The following AQR variants were observed in gnomAD, a reference collection of about 807,000 sequenced individuals.
The protein encoded by AQR is RNA helicase aquarius.
A neutral mutation model predicts 180.5 loss-of-function variants in AQR; 61 were observed. That is an observed-to-expected ratio of 0.34 (90% CI 0.28 to 0.42). The LOEUF (loss-of-function observed/expected upper bound fraction) is 0.42. AQR is among the 10% of genes least tolerant of loss of function. The pLI is 1.00. For synonymous variants in AQR, 551 were observed against 588.8 expected (o/e 0.94, Z 0.93); for missense variants, 1,281 against 1,798.3 (o/e 0.71, Z 5.20).
intron 4 of AQR, among the ~76,000 whole-genome samples, chr15:34,950,201 T>C (rs1894204439): frequency 6.9e-6 from 1 of 144,896 alleles, no homozygotes; most frequent in Non-Finnish European, 1.5e-5. Context: ...GCAATTCTCC[T>C]GCCTCAGCCT....
At chr15:34,922,826 A>C (rs1047490998) in intron 13 of AQR, among the ~76,000 whole-genome samples, 3 of 151,848 alleles carry the variant, frequency 2.0e-5, no homozygotes, top group African/African-American at 7.3e-5. Context: ...TAAAAAAAAA[A>C]CAAATTCTAA....
intron 16 of AQR, among the ~76,000 whole-genome samples, chr15:34,910,985 T>C (rs1350262018): frequency 2.0e-5 from 3 of 152,214 alleles, no homozygotes; most frequent in African/African-American, 7.2e-5. Flanking sequence ...ACTGCTTCTA[T>C]GAATTTGCCT....
chr15:34,920,277 G>T, intron 14 of AQR, 55 bp downstream of exon 14: 2 of 1,275,812 alleles, frequency 1.6e-6, no homozygotes, highest in South Asian at 2.6e-5. Context: ...CTTTAAGAAT[G>T]ACTTTAAAAG....
At position 34,938,821 on chromosome 15, in the gene AQR, C is replaced by G. The variant is rs954637940; in HGVS notation, c.642-8G>C. On this transcript the variant is annotated splice_polypyrimidine_tract_variant and splice_region_variant and intron_variant, in intron 8 of 34. Transcript: ENST00000156471. The stretch of plus-strand genomic sequence containing the variant: ...CTCCTCTCTTGATATGCCCTAAAAT[C>G]AGAAAGAACATTGACCAATTATTTT... The G allele has an allele frequency of 2.6e-5, 41 of 1,587,000 alleles. No homozygotes were observed. The highest frequency in any genetic ancestry group is 3.4e-5 in the Non-Finnish European group (39 of 1,159,566).
At chr15:34,882,803 G>C (rs1021585195) in intron 26 of AQR, among the ~76,000 whole-genome samples, 164 bp from the exon 27 acceptor site, 3 of 152,116 alleles carry the variant, frequency 2.0e-5, no homozygotes, top group African/African-American at 7.2e-5. Flanking sequence ...TACTAATTGA[G>C]TTTAAATAAT....
At chr15:34,953,348 T>C (rs1209149221) in intron 3 of AQR, among the ~76,000 whole-genome samples, 1 of 152,238 alleles carries the variant, frequency 6.6e-6, no homozygotes, top group Non-Finnish European at 1.5e-5. Flanking sequence ...GTCCCAAACA[T>C]ACTTACGCTG....
Position 34,856,266 on chromosome 15 carries a change from G to C in AQR, c.*526C>G. The C allele has an allele frequency of 3.2e-6, 1 of 310,744 alleles. No homozygotes were observed. Among genetic ancestry groups the C allele is most frequent in the Non-Finnish European group, 5.8e-6 (1 of 172,310 alleles). 19.2% of individuals were successfully genotyped at this position (310,744 alleles called of 1,614,324 possible). A position where few individuals can be genotyped will look rare whatever the true frequency, so the allele number is the denominator to read the frequency against. On this transcript the variant is annotated 3_prime_UTR_variant, in exon 35 of 35. Transcript: ENST00000156471. The stretch of plus-strand genomic sequence containing the variant: ...AAGGCATTCTAAGATTTGAGAGAAG[G>C]AAATGCATGTAACCACTTTGATAGA...
chr15:34,927,069 G>A lies in AQR; in HGVS notation c.1084C>T (p.Arg362Trp), dbSNP rs1420718131. The A allele has an allele frequency of 5.6e-6, 9 of 1,596,750 alleles. No individual in the cohort carries two copies. Among genetic ancestry groups the A allele is most frequent in the Middle Eastern group, 1.7e-4 (1 of 5,982 alleles). The change falls in exon 13 of 35, where the codon CGG (arginine) becomes TGG (tryptophan). Residue 362 changes from arginine to tryptophan, a missense_variant. Physicochemically the swap from Arg to Trp is moderately radical, Grantham distance 101. Around this residue, in one of 9 missense-constraint regions of AQR, gnomAD observed 404 missense variants for 490.9 expected, o/e 0.82. Transcript: ENST00000156471. ...CCAAAAAACTTGACCAAGGACTCCC[G>A]AGTATCTACTTCTGCCACATTTGAG... The part of the protein sequence containing the change: ...ALSNVAEVDT[R>W]ESLVKFFGPL...
intron 27 of AQR, among the ~76,000 whole-genome samples, chr15:34,876,572 A>G (rs1892892508): frequency 6.6e-6 from 1 of 152,080 alleles, no homozygotes; most frequent in African/African-American, 2.4e-5. Context: ...CCAAGCCACC[A>G]CTATGACTAC....
At chr15:34,966,868 C>A (rs890652407) in intron 1 of AQR, among the ~76,000 whole-genome samples, 2 of 121,070 alleles carry the variant, frequency 1.7e-5, no homozygotes, top group African/African-American at 3.0e-5. Context: ...GCCACCCTGG[C>A]CTTTTTTTTT....
chr15:34,957,500 A>G (rs182837812), intron 3 of AQR, among the ~76,000 whole-genome samples: 6 of 151,580 alleles, frequency 4.0e-5, no homozygotes, highest in Non-Finnish European at 8.8e-5. Flanking sequence ...TGAGTTCGGG[A>G]GTGACAGCCT....
chr15:34,944,902 C>T (rs748052127), intron 5 of AQR, among the ~76,000 whole-genome samples: 16 of 152,166 alleles, frequency 1.1e-4, no homozygotes, highest in Non-Finnish European at 2.2e-4. Context: ...CTTTGACCTA[C>T]CTCTGTTTCT....
intron 17 of AQR, among the ~76,000 whole-genome samples, 196 bp from the exon 18 acceptor site, chr15:34,906,908 TTGAAA>T (rs1227053309): frequency 4.6e-5 from 7 of 152,208 alleles, no homozygotes; most frequent in Admixed American, 3.9e-4. Context: ...ATAGCATTAA[TTGAAA>T]TGAAAACTTC....
chr15:34,961,747 G>A (rs181526888), intron 2 of AQR, among the ~76,000 whole-genome samples: 4 of 149,488 alleles, frequency 2.7e-5, no homozygotes, highest in South Asian at 2.1e-4. Flanking sequence ...ACTGATGGCT[G>A]GAACTCTTAG....
chr15:34,906,677 C>A lies in AQR; in HGVS notation c.1699G>T (p.Val567Leu). 6.2e-7 allele frequency: 1 copy of A among 1,613,746 alleles called. No homozygotes were observed. Among genetic ancestry groups the A allele is most frequent in the Non-Finnish European group, 8.5e-7 (1 of 1,179,862 alleles). The change falls in exon 18 of 35, where the codon GTA (valine) becomes TTA (leucine). Residue 567 changes from valine to leucine, a missense_variant. Physicochemically the swap from Val to Leu is conservative, Grantham distance 32. Transcript: ENST00000156471. Reference sequence around the variant, plus strand: ...GTGCCATAAGGTTTTGTGGGACGTACGGTAATTAAAAAGCATACATCATGC... The same window carrying A: ...GTGCCATAAGGTTTTGTGGGACGTAAGGTAATTAAAAAGCATACATCATGC... Reference protein sequence around the residue: ...RKHDVCFLITVRPTKPYGTKF... With the variant: ...RKHDVCFLITLRPTKPYGTKF...
intron 3 of AQR, among the ~76,000 whole-genome samples, chr15:34,958,834 T>C (rs985028567): frequency 2.6e-5 from 4 of 152,298 alleles, no homozygotes; most frequent in East Asian, 3.9e-4. Flanking sequence ...CTTCAGACCA[T>C]ATGTTACAAA....
intron 19 of AQR, among the ~76,000 whole-genome samples, chr15:34,901,461 G>C (rs564023330): frequency 2.0e-5 from 3 of 152,204 alleles, no homozygotes; most frequent in African/African-American, 7.2e-5. Context: ...TACAACAAAA[G>C]GTCATTATAG....
chr15:34,879,474 C>T (rs545794142), intron 27 of AQR, among the ~76,000 whole-genome samples: 58 of 152,312 alleles, frequency 3.8e-4, no homozygotes, highest in African/African-American at 1.3e-3. Flanking sequence ...AGACCCCTTT[C>T]CTTCCACCAA....
chr15:34,940,244 G>A (rs1894002776), intron 8 of AQR, among the ~76,000 whole-genome samples: 3 of 152,194 alleles, frequency 2.0e-5, no homozygotes, highest in Admixed American at 2.0e-4. Context: ...GAAGTTTAGA[G>A]TTAGGCTGGG....
Sources: allele counts gnomAD v4.1 joint callset (sites outside exome capture counted in the v4.1 genomes callset), GRCh38; gene constraint gnomAD v4.1.1; regional missense constraint gnomAD v4.1.1; transcripts MANE v1.5; gene names NCBI Gene and HGNC (gene_info 2026-07-23, HGNC 2026-07-21).